The following ROBO2 variants were observed in gnomAD, a reference collection of about 807,000 sequenced individuals.
ROBO2 encodes roundabout guidance receptor 2.
ROBO2 carries 53 observed loss-of-function variants against 160.8 expected under a neutral mutation model. The observed-to-expected ratio is 0.33, with a 90% confidence interval of 0.26 to 0.41. The LOEUF (loss-of-function observed/expected upper bound fraction) is 0.41. ROBO2 is among the 10% of genes least tolerant of loss of function. The pLI, the probability that ROBO2 is intolerant of heterozygous loss-of-function variation, is 1.00. For missense variants in ROBO2, 1,577 were observed against 1,722.4 expected (o/e 0.92, Z 1.49); for synonymous variants, 664 against 611.7 (o/e 1.09, Z -1.26).
chr3:76,388,633 G>C (rs1247293145), intron 2 of ROBO2, among the ~76,000 whole-genome samples: 1 of 151,832 alleles, frequency 6.6e-6, no homozygotes, highest in Non-Finnish European at 1.5e-5. Context: ...CAATTTTGTA[G>C]GTAAACTGAG....
chr3:76,732,256 A>G (rs570332920), intron 2 of ROBO2, among the ~76,000 whole-genome samples: 5 of 152,304 alleles, frequency 3.3e-5, no homozygotes, highest in Middle Eastern at 6.8e-3. Context: ...AGAAGACTGA[A>G]GGAGACTGGT....
At chr3:76,913,901 CTG>C (rs1407895700) in intron 2 of ROBO2, among the ~76,000 whole-genome samples, 2 of 151,630 alleles carry the variant, frequency 1.3e-5, no homozygotes, top group South Asian at 2.1e-4. Flanking sequence ...AGAGGAGTAA[CTG>C]TGAAAAATAC....
chr3:76,417,789 T>G (rs542861589), intron 2 of ROBO2, among the ~76,000 whole-genome samples: 71 of 152,274 alleles, frequency 4.7e-4, no homozygotes, highest in African/African-American at 1.6e-3. Flanking sequence ...ATCAAGTTAT[T>G]TTAAATTTTA....
intron 2 of ROBO2, among the ~76,000 whole-genome samples, chr3:76,675,321 C>T (rs774288856): frequency 6.6e-6 from 1 of 152,080 alleles, no homozygotes; most frequent in Non-Finnish European, 1.5e-5. Flanking sequence ...TGCCACATTC[C>T]CAAGTAGAAA....
intron 2 of ROBO2, among the ~76,000 whole-genome samples, chr3:76,455,451 A>C (rs1351153020): frequency 6.6e-6 from 1 of 152,124 alleles, no homozygotes; most frequent in Non-Finnish European, 1.5e-5. Flanking sequence ...AATTTAGAAA[A>C]AATAAAAAGA....
chr3:76,433,387 A>C (rs2076527310), intron 2 of ROBO2, among the ~76,000 whole-genome samples: 1 of 152,194 alleles, frequency 6.6e-6, no homozygotes, highest in South Asian at 2.1e-4. Flanking sequence ...ATAAACATGT[A>C]ATAAACTTTT....
chr3:76,042,394 A>G (rs1463693), intron 2 of ROBO2, among the ~76,000 whole-genome samples: 18,625 of 151,980 alleles, frequency 0.12, 2,938 homozygotes, highest in African/African-American at 0.35. Context: ...AAGCTGTGCT[A>G]TCATTGAAAA....
At chr3:76,196,032 A>G (rs182348641) in intron 2 of ROBO2, among the ~76,000 whole-genome samples, 1 of 152,144 alleles carries the variant, frequency 6.6e-6, no homozygotes, top group Admixed American at 6.5e-5. Flanking sequence ...TAGGATTGCA[A>G]TGTGCACACA....
rs114852328 is a variant in ROBO2 at position 76,878,943 on chromosome 3, A to G, written c.110-219071A>G. On this transcript the variant is annotated intron_variant, in intron 2 of 26. Coordinates refer to the ROBO2 transcript ENST00000487694. ...ATTTACAGAGAGAAATAGTACGGCT[A>G]AAGTTTCTAATATTAAAAAGAAAAA... Among the ~76,000 whole-genome samples the G allele has an allele frequency of 8.8e-3, 1,335 of 151,818 alleles. 23 individuals are homozygous for G. The highest frequency in any genetic ancestry group is 0.03 in the African/African-American group (1,266 of 41,544).
intron 17 of ROBO2, among the ~76,000 whole-genome samples, chr3:77,593,176 T>A (rs1027968911): frequency 2.0e-5 from 3 of 151,098 alleles, no homozygotes; most frequent in Non-Finnish European, 4.4e-5. Flanking sequence ...ATCTTAACTC[T>A]CTTTTAACAG....
intron 8 of ROBO2, among the ~76,000 whole-genome samples, chr3:77,553,424 T>A (rs948751591): frequency 1.3e-5 from 2 of 151,904 alleles, no homozygotes; most frequent in Non-Finnish European, 2.9e-5. Context: ...GTGGCCTCCA[T>A]GTGTTCAAGT....
chr3:76,633,420 A>G (rs1186703830), intron 2 of ROBO2, among the ~76,000 whole-genome samples: 1 of 152,144 alleles, frequency 6.6e-6, no homozygotes, highest in African/African-American at 2.4e-5. Context: ...AAATGTGGAG[A>G]GGAAATGAGT....
At chr3:77,349,122 C>G (rs1316976770) in intron 2 of ROBO2, among the ~76,000 whole-genome samples, 1 of 151,958 alleles carries the variant, frequency 6.6e-6, no homozygotes, top group Non-Finnish European at 1.5e-5. Flanking sequence ...ACTGCCAGTG[C>G]TAGATGAGAG....
At chr3:77,192,198 A>G (rs755978700) in intron 2 of ROBO2, among the ~76,000 whole-genome samples, 30 of 152,228 alleles carry the variant, frequency 2.0e-4, no homozygotes, top group Non-Finnish European at 3.5e-4. Context: ...TATATTCTCA[A>G]TGATATTATT....
At chr3:77,143,721 A>C (rs1036232850) in intron 2 of ROBO2, among the ~76,000 whole-genome samples, 2 of 152,164 alleles carry the variant, frequency 1.3e-5, no homozygotes, top group African/African-American at 4.8e-5. Flanking sequence ...GCTTGAAATC[A>C]GTAGTGCCTA....
chr3:76,434,351 C>A (rs1435492777), intron 2 of ROBO2: 4 of 1,354,924 alleles, frequency 3.0e-6, no homozygotes, highest in Non-Finnish European at 3.2e-6. Flanking sequence ...GATAAGCTTT[C>A]GGGAGAAGAA....
At chr3:76,922,527 A>G (rs924736899) in intron 2 of ROBO2, among the ~76,000 whole-genome samples, 1 of 152,214 alleles carries the variant, frequency 6.6e-6, no homozygotes, top group African/African-American at 2.4e-5. Flanking sequence ...TTCCTTAAGC[A>G]GAAGGGTGAA....
chr3:76,636,151 C>T (rs997212519), intron 2 of ROBO2, among the ~76,000 whole-genome samples: 3 of 152,188 alleles, frequency 2.0e-5, no homozygotes. Context: ...CACTTATCCT[C>T]ATTCTCTCCT....
intron 21 of ROBO2, among the ~76,000 whole-genome samples, chr3:77,614,145 CTTA>C (rs959667595): frequency 1.3e-5 from 2 of 152,176 alleles, no homozygotes; most frequent in Non-Finnish European, 2.9e-5. Context: ...AGTAAATCTT[CTTA>C]TTCAGACCAT....
Sources: allele counts gnomAD v4.1 joint callset (sites outside exome capture counted in the v4.1 genomes callset), GRCh38; gene constraint gnomAD v4.1.1; transcripts MANE v1.5; gene names NCBI Gene and HGNC (gene_info 2026-07-23, HGNC 2026-07-21).